The following KDM4C variants were observed in gnomAD, a reference collection of about 807,000 sequenced individuals.
KDM4C encodes the protein lysine demethylase 4C.
In KDM4C, 81 loss-of-function variants were observed where a neutral mutation model predicts 129.3. The observed-to-expected ratio is 0.63, with a 90% CI of 0.52 to 0.75. KDM4C has a LOEUF of 0.75. KDM4C is among the 30% of genes least tolerant of loss of function. The probability of loss-of-function intolerance (pLI) is 0.00; values close to 1 mark genes in which losing one functional copy is unlikely to be tolerated. For synonymous variants in KDM4C, 573 were observed against 456.1 expected (o/e 1.26, Z -3.26); for missense variants, 1,457 against 1,304.0 (o/e 1.12, Z -1.81).
intron 6 of KDM4C, among the ~76,000 whole-genome samples, chr9:6,882,470 C>G (rs1251979836): frequency 6.6e-6 from 1 of 152,030 alleles, no homozygotes; most frequent in East Asian, 1.9e-4. Context: ...TTCATTTGTC[C>G]TTTATTGGGA....
At chr9:6,835,629 T>C in intron 4 of KDM4C, 1 of 813,720 alleles carries the variant, frequency 1.2e-6, no homozygotes, top group Non-Finnish European at 2.2e-6. Context: ...ACCTGACTTG[T>C]GCAGAAAACA....
At chr9:6,762,514 A>G (rs1391578410) in intron 1 of KDM4C, among the ~76,000 whole-genome samples, 1 of 151,940 alleles carries the variant, frequency 6.6e-6, no homozygotes, top group Admixed American at 6.6e-5. Flanking sequence ...GAGGTGTATC[A>G]TAATTAAAGT....
chr9:7,060,025 G>A (rs1188196448), intron 17 of KDM4C, among the ~76,000 whole-genome samples: 2 of 152,112 alleles, frequency 1.3e-5, no homozygotes, highest in African/African-American at 4.8e-5. Flanking sequence ...GGAATAGAGA[G>A]AGGATCCCCT....
chr9:6,733,864 G>C (rs953131499), intron 1 of KDM4C, among the ~76,000 whole-genome samples: 2 of 152,172 alleles, frequency 1.3e-5, no homozygotes, highest in African/African-American at 2.4e-5. Flanking sequence ...TTAACTTCCT[G>C]ATGTTGCCAT....
chr9:7,153,441 C>T (rs61368828), intron 19 of KDM4C, among the ~76,000 whole-genome samples: 6,118 of 152,248 alleles, frequency 0.04, 206 homozygotes, highest in South Asian at 0.14. Flanking sequence ...CCTCAGAGAG[C>T]GCACATCCTT....
chr9:6,938,409 A>G (rs1825211814), intron 8 of KDM4C, among the ~76,000 whole-genome samples: 1 of 152,196 alleles, frequency 6.6e-6, no homozygotes, highest in South Asian at 2.1e-4. Context: ...TCTCCTCTAC[A>G]GGAAGCTAAT....
At chr9:6,738,566 G>C (rs1817597749) in intron 1 of KDM4C, among the ~76,000 whole-genome samples, 2 of 152,094 alleles carry the variant, frequency 1.3e-5, no homozygotes, top group Admixed American at 6.6e-5. Context: ...CCCTGGAGTA[G>C]CTGGGACCAC....
intron 10 of KDM4C, among the ~76,000 whole-genome samples, chr9:6,984,663 T>G (rs531879683): frequency 5.2e-5 from 7 of 135,324 alleles, no homozygotes; most frequent in African/African-American, 1.8e-4. Flanking sequence ...GATTCTAAAA[T>G]GAGTTTTTTT....
chr9:7,019,282 C>G (rs1406113171), intron 15 of KDM4C, among the ~76,000 whole-genome samples: 1 of 152,142 alleles, frequency 6.6e-6, no homozygotes, highest in East Asian at 1.9e-4. Context: ...CTGACTTCTT[C>G]AGCAATCAAT....
chr9:6,866,446 GAGACCTGTGGGAC>G (rs1841994307), intron 5 of KDM4C, among the ~76,000 whole-genome samples: 1 of 152,128 alleles, frequency 6.6e-6, no homozygotes, highest in Admixed American at 6.5e-5. Context: ...TCATTCCCAG[GAGACCTGTGGGAC>G]AGACCTCCTA....
In KDM4C at chr9:7,034,047, G is replaced by C; in HGVS notation, c.2260-12815G>C. 1.3e-5 allele frequency among the ~76,000 whole-genome samples: 2 copies of C among 151,832 alleles called. 1 individual carries two copies. Among genetic ancestry groups the C allele is most frequent in the Non-Finnish European group, 2.9e-5 (2 of 67,938 alleles). ...GGTGGTGGTGGTGGGGCATCAGTTG[G>C]TCTCTCAATCTGATTGTTGCTTTTC... On this transcript the variant is annotated intron_variant, in intron 15 of 21. Coordinates refer to ENST00000381309, the MANE Select transcript of KDM4C (RefSeq NM_015061.6).
intron 1 of KDM4C, among the ~76,000 whole-genome samples, chr9:6,730,342 G>A (rs956556775): frequency 1.3e-5 from 2 of 152,136 alleles, no homozygotes; most frequent in East Asian, 1.9e-4. Flanking sequence ...GCGGCTGGGC[G>A]TGGTGGCTCA....
intron 8 of KDM4C, among the ~76,000 whole-genome samples, chr9:6,942,920 C>T (rs1192439787): frequency 6.6e-6 from 1 of 152,148 alleles, no homozygotes; most frequent in Non-Finnish European, 1.5e-5. Context: ...CGGCTGAGTG[C>T]AGTGGCATGA....
rs190156994 is a variant in KDM4C, at chr9:6,811,184, C to T, written c.321-3447C>T. Among the ~76,000 whole-genome samples, 8 of 152,124 alleles carry T rather than the reference C, an allele frequency of 5.3e-5. No individual in the cohort carries two copies. In the East Asian group the frequency reaches 1.2e-3, roughly 22 times the overall value. ...TCTTTTTTTTTCTGAGACAGAGTCT[C>T]GCTCTGTTGCCCAGGATGGAGTGCA... On this transcript the variant is annotated intron_variant, in intron 3 of 21. Coordinates refer to ENST00000381309, the MANE Select transcript of KDM4C (RefSeq NM_015061.6).
intron 18 of KDM4C, among the ~76,000 whole-genome samples, chr9:7,111,407 A>C (rs746549845): frequency 6.6e-6 from 1 of 152,228 alleles, no homozygotes; most frequent in Non-Finnish European, 1.5e-5. Context: ...ATTCTGAAAT[A>C]ATTCTGCTCC....
intron 8 of KDM4C, among the ~76,000 whole-genome samples, chr9:6,973,282 A>G (rs897213289): frequency 1.3e-5 from 2 of 152,134 alleles, no homozygotes; most frequent in Non-Finnish European, 2.9e-5. Flanking sequence ...GCCTCAAGCA[A>G]TCTTCCTGTG....
chr9:6,738,865 A>G (rs945149196), intron 1 of KDM4C, among the ~76,000 whole-genome samples: 3 of 150,532 alleles, frequency 2.0e-5, no homozygotes, highest in African/African-American at 2.4e-5. Flanking sequence ...GATTACAGGC[A>G]TGAGCTATCA....
intron 1 of KDM4C, among the ~76,000 whole-genome samples, chr9:6,779,991 C>G (rs1025008926): frequency 6.6e-6 from 1 of 152,170 alleles, no homozygotes; most frequent in Admixed American, 6.5e-5. Flanking sequence ...AACTAGCCAG[C>G]CACCTACAGC....
chr9:6,997,883 T>G (rs929580806), intron 12 of KDM4C, among the ~76,000 whole-genome samples: 1 of 152,246 alleles, frequency 6.6e-6, no homozygotes, highest in Non-Finnish European at 1.5e-5. Flanking sequence ...CTTATAACTC[T>G]TCAACTATAA....
Sources: allele counts gnomAD v4.1 joint callset (sites outside exome capture counted in the v4.1 genomes callset), GRCh38; gene constraint gnomAD v4.1.1; transcripts MANE v1.5; gene names NCBI Gene and HGNC (gene_info 2026-07-23, HGNC 2026-07-21).